DAB1: variants seen among roughly 807,000 people sequenced by gnomAD.
The protein encoded by DAB1 is DAB adaptor protein 1, also known as disabled homolog 1.
In DAB1, 15 loss-of-function variants were observed where a neutral mutation model predicts 64.6. The ratio of observed to expected loss-of-function variants is 0.23; its 90% CI spans 0.16 to 0.36. The LOEUF (loss-of-function observed/expected upper bound fraction) is 0.36, where lower values mean the gene tolerates loss of function less well. DAB1 is among the 10% of genes least tolerant of loss of function. DAB1 has a pLI of 1.00. For missense variants in DAB1, 596 were observed against 706.7 expected, an observed-to-expected ratio of 0.84 and a Z score of 1.78; for synonymous variants, 235 against 251.9, an observed-to-expected ratio of 0.93 and a Z score of 0.64.
Position 57,163,800 on chromosome 1 carries a change from TGTAACTCTGG to T in DAB1, c.68-18381_68-18372del, listed in dbSNP as rs1207667486. On this transcript the variant is annotated intron_variant, in intron 2 of 14. Transcript: ENST00000371236. Reference sequence around the variant, plus strand: ...AGAGACAGGAAAAGGGAAGAACAAGTGTAACTCTGGGTTTTGGCTTGAGCACCTTAGTGGA... The same window carrying T: ...AGAGACAGGAAAAGGGAAGAACAAGTGTTTTGGCTTGAGCACCTTAGTGGA... Among the ~76,000 whole-genome samples the T allele has an allele frequency of 1.1e-4, 16 of 152,050 alleles. 1 individual carries two copies. Among genetic ancestry groups the T allele is most frequent in the Non-Finnish European group, 2.2e-4 (15 of 68,002 alleles).
intron 4 of DAB1, among the ~76,000 whole-genome samples, chr1:58,205,210 G>A (rs940071661): frequency 6.6e-6 from 1 of 151,808 alleles, no homozygotes; most frequent in Non-Finnish European, 1.5e-5. Context: ...ATCTGAGTGG[G>A]TTCACTCTGG....
chr1:57,739,594 GGC>G (rs1310232788), intron 6 of DAB1, among the ~76,000 whole-genome samples: 1 of 149,984 alleles, frequency 6.7e-6, no homozygotes, highest in East Asian at 2.0e-4. Context: ...TGGGACTACA[GGC>G]ATGTGCCACC....
At chr1:57,913,852 C>A (rs1009798924) in intron 5 of DAB1, among the ~76,000 whole-genome samples, 1 of 152,210 alleles carries the variant, frequency 6.6e-6, no homozygotes, top group Non-Finnish European at 1.5e-5. Context: ...AAATGCTCAT[C>A]ATCACTGGCC....
intron 2 of DAB1, among the ~76,000 whole-genome samples, chr1:57,193,637 C>G (rs970375145): frequency 1.3e-5 from 2 of 152,098 alleles, no homozygotes; most frequent in African/African-American, 4.8e-5. Context: ...CCGCCTGCGT[C>G]GGCTTCCAAA....
chr1:57,384,632 G>A (rs1424181087), intron 1 of DAB1, among the ~76,000 whole-genome samples: 1 of 152,174 alleles, frequency 6.6e-6, no homozygotes, highest in Non-Finnish European at 1.5e-5. Context: ...AGAACATCAT[G>A]CTAATTGAAA....
In DAB1 at chr1:57,847,550, T is replaced by C. The variant is rs1163348120; in HGVS notation, n.88-21095A>G. 2.6e-5 allele frequency among the ~76,000 whole-genome samples: 4 copies of C among 152,134 alleles called. No individual in the cohort carries two copies. In the East Asian group the frequency reaches 7.7e-4, roughly 29 times the overall value. On this transcript the variant is annotated intron_variant and non_coding_transcript_variant, in intron 1 of 1. Coordinates refer to the DAB1 transcript ENST00000477280. ...AAATGAGAGAGAAAAGGGGAATTGG[T>C]GAAAGCTAGGCAAATATTTATCAAG...
chr1:57,033,674 G>A lies in DAB1; in HGVS notation c.724-7631C>T, dbSNP rs543307773. The A allele has an allele frequency of 5.8e-5, 68 of 1,169,604 alleles. No homozygotes were observed. The African/African-American group carries it at 8.5e-4, about 15-fold the overall frequency. 72.5% of individuals were successfully genotyped at this position (1,169,604 alleles called of 1,614,324 possible). A position where few individuals can be genotyped will look rare whatever the true frequency, so the allele number is the denominator to read the frequency against. On this transcript the variant is annotated intron_variant, in intron 9 of 14. Transcript: ENST00000371236. ...GACAGTATCTATGGTTCACACTTCC[G>A]TGGTCTCAGTAGGCGGGAGCTGTTT... is the stretch of plus-strand genomic sequence containing the variant.
At chr1:58,345,381 T>C (rs1315791514) in intron 3 of DAB1, among the ~76,000 whole-genome samples, 1 of 152,208 alleles carries the variant, frequency 6.6e-6, no homozygotes, top group Non-Finnish European at 1.5e-5. Context: ...TTCACCACAG[T>C]GCAGTCCAAA....
chr1:57,014,153 A>G (rs1646350544), intron 12 of DAB1, among the ~76,000 whole-genome samples: 1 of 152,216 alleles, frequency 6.6e-6, no homozygotes, highest in African/African-American at 2.4e-5. Context: ...CATCGCTTAC[A>G]CAGATGAGGA....
intron 7 of DAB1, among the ~76,000 whole-genome samples, chr1:57,563,976 G>A (rs989887726): frequency 1.3e-5 from 2 of 152,194 alleles, no homozygotes; most frequent in Non-Finnish European, 2.9e-5. Context: ...ATCTGAGAAT[G>A]GAGAGACTGC....
At chr1:57,537,872 T>C (rs1644748586) in intron 7 of DAB1, among the ~76,000 whole-genome samples, 2 of 152,214 alleles carry the variant, frequency 1.3e-5, no homozygotes, top group Non-Finnish European at 2.9e-5. Context: ...GGCCTCTGGC[T>C]GCTTCCATTC....
intron 4 of DAB1, among the ~76,000 whole-genome samples, chr1:58,224,800 A>T: frequency 6.6e-6 from 1 of 152,196 alleles, no homozygotes; most frequent in Non-Finnish European, 1.5e-5. Context: ...CACCTTACAC[A>T]AAAATTAATT....
chr1:57,607,408 A>T (rs1040298446), intron 7 of DAB1, among the ~76,000 whole-genome samples: 1 of 152,170 alleles, frequency 6.6e-6, no homozygotes, highest in Non-Finnish European at 1.5e-5. Context: ...GACCAAACTG[A>T]ATTCTTTATC....
chr1:58,379,115 T>A (rs985627119), intron 3 of DAB1, among the ~76,000 whole-genome samples: 7 of 151,580 alleles, frequency 4.6e-5, no homozygotes, highest in African/African-American at 1.7e-4. Flanking sequence ...GTACCTCAGA[T>A]GGAAATGCAG....
intron 6 of DAB1, among the ~76,000 whole-genome samples, chr1:57,781,955 C>G (rs906191096): frequency 6.6e-6 from 1 of 152,080 alleles, no homozygotes; most frequent in Non-Finnish European, 1.5e-5. Context: ...GGGCAAGCAA[C>G]TAACTTTCAA....
chr1:58,226,945 T>G (rs1659529143), intron 4 of DAB1, among the ~76,000 whole-genome samples: 1 of 152,184 alleles, frequency 6.6e-6, no homozygotes, highest in African/African-American at 2.4e-5. Context: ...TGATTGCCAT[T>G]AAGTACCAGG....
In DAB1 at chr1:58,249,646, C is replaced by T. The variant is rs184364429; in HGVS notation, n.309+93706G>A. Among the ~76,000 whole-genome samples the T allele has an allele frequency of 1.5e-3, 227 of 152,262 alleles. 1 individual carries two copies. Among genetic ancestry groups the T allele is most frequent in the African/African-American group, 5.3e-3 (221 of 41,574 alleles). On this transcript the variant is annotated intron_variant and non_coding_transcript_variant, in intron 4 of 20. Transcript: ENST00000485760. The stretch of plus-strand genomic sequence containing the variant: ...GCTCAAGACCACAGGACTGAACCCC[C>T]CGGAAGTCTCGACGCTGCCCAGCCA...
At chr1:58,439,416 C>G (rs1456926348) in intron 3 of DAB1, among the ~76,000 whole-genome samples, 1 of 152,122 alleles carries the variant, frequency 6.6e-6, no homozygotes, top group Non-Finnish European at 1.5e-5. Context: ...TGCTCAAGCT[C>G]TTTATTATAG....
chr1:57,594,173 T>G (rs564800975), intron 7 of DAB1, among the ~76,000 whole-genome samples: 9 of 152,326 alleles, frequency 5.9e-5, no homozygotes, highest in Admixed American at 1.3e-4. Context: ...AACTTGCTAA[T>G]GACCACTTGC....
Sources: allele counts gnomAD v4.1 joint callset (sites outside exome capture counted in the v4.1 genomes callset), GRCh38; gene constraint gnomAD v4.1.1; transcripts MANE v1.5; gene names NCBI Gene and HGNC (gene_info 2026-07-23, HGNC 2026-07-21).